The following ZNF385D variants were observed in gnomAD, a reference collection of about 807,000 sequenced individuals.
ZNF385D encodes zinc finger protein 385D, also known as zinc finger protein 659.
A neutral mutation model predicts 35.8 loss-of-function variants in ZNF385D; 15 were observed. The observed-to-expected ratio is 0.42, with a 90% CI of 0.28 to 0.64. The LOEUF (loss-of-function observed/expected upper bound fraction) is 0.64. ZNF385D is among the 30% of genes least tolerant of loss of function. The probability of loss-of-function intolerance (pLI) is 0.23; values close to 1 mark genes in which losing one functional copy is unlikely to be tolerated. For missense variants in ZNF385D, 474 were observed against 494.6 expected, an observed-to-expected ratio of 0.96 and a Z score of 0.39; for synonymous variants, 212 against 186.8, an observed-to-expected ratio of 1.13 and a Z score of -1.10.
At chr3:22,265,395 A>C (rs759876725) in intron 2 of ZNF385D, among the ~76,000 whole-genome samples, 3 of 152,006 alleles carry the variant, frequency 2.0e-5, no homozygotes, top group Admixed American at 6.6e-5. Context: ...TTTGTGAAAC[A>C]TTATTGGCAA....
chr3:21,720,381 C>T (rs2068491150), intron 1 of ZNF385D, among the ~76,000 whole-genome samples: 2 of 152,128 alleles, frequency 1.3e-5, no homozygotes, highest in Admixed American at 6.5e-5. Context: ...TCGTGAGACC[C>T]TAGTCTCTAC....
chr3:21,448,013 GTTA>G (rs1702247606), intron 4 of ZNF385D, among the ~76,000 whole-genome samples: 2 of 152,098 alleles, frequency 1.3e-5, no homozygotes, highest in African/African-American at 4.8e-5. Flanking sequence ...ATGTGCAAGA[GTTA>G]TAATACTTAG....
chr3:22,357,281 A>G (rs1696197786), intron 2 of ZNF385D, among the ~76,000 whole-genome samples: 1 of 151,916 alleles, frequency 6.6e-6, no homozygotes, highest in Non-Finnish European at 1.5e-5. Flanking sequence ...TATAGTAATA[A>G]ATGCAGTAAG....
intron 3 of ZNF385D, among the ~76,000 whole-genome samples, chr3:21,968,924 C>G (rs2125335650): frequency 6.6e-6 from 1 of 152,292 alleles, no homozygotes; most frequent in South Asian, 2.1e-4. Flanking sequence ...TTACTGGGGT[C>G]TCTGATTCCT....
chr3:21,619,385 GTCTT>G (rs763857526), intron 2 of ZNF385D, among the ~76,000 whole-genome samples: 9 of 151,566 alleles, frequency 5.9e-5, no homozygotes, highest in Non-Finnish European at 1.0e-4. Context: ...ATGTAAACCT[GTCTT>G]TCTTAGTTGT....
intron 2 of ZNF385D, among the ~76,000 whole-genome samples, chr3:22,250,397 A>G (rs1034040296): frequency 6.6e-6 from 1 of 151,866 alleles, no homozygotes; most frequent in Non-Finnish European, 1.5e-5. Context: ...CTGCTTATCA[A>G]CCTCCCTAAG....
chr3:21,762,128 C>G (rs1015668276), intron 3 of ZNF385D, among the ~76,000 whole-genome samples: 1 of 152,086 alleles, frequency 6.6e-6, no homozygotes, highest in Admixed American at 6.5e-5. Flanking sequence ...CTGCCTGCCT[C>G]AGCCTCCTAA....
chr3:21,571,857 T>C (rs1343658092), intron 2 of ZNF385D, among the ~76,000 whole-genome samples: 1 of 152,202 alleles, frequency 6.6e-6, no homozygotes, highest in Admixed American at 6.6e-5. Context: ...ACTAGGAGGA[T>C]ACTGAATCAG....
At chr3:22,192,458 A>G (rs1003448906) in intron 2 of ZNF385D, among the ~76,000 whole-genome samples, 25 of 152,146 alleles carry the variant, frequency 1.6e-4, no homozygotes, top group African/African-American at 5.8e-4. Context: ...ACACATTGCA[A>G]AAATGATGGT....
chr3:21,684,213 G>A (rs1274775501), intron 1 of ZNF385D, among the ~76,000 whole-genome samples: 1 of 148,640 alleles, frequency 6.7e-6, no homozygotes, highest in African/African-American at 2.5e-5. Context: ...AGTTTATAAA[G>A]CGCCATGTTT....
intron 3 of ZNF385D, among the ~76,000 whole-genome samples, chr3:21,756,823 A>G (rs2070360092): frequency 6.6e-6 from 1 of 152,216 alleles, no homozygotes; most frequent in South Asian, 2.1e-4. Flanking sequence ...AACAGTTTGA[A>G]AATTAAATAA....
chr3:22,158,573 A>G (rs1371477885), intron 3 of ZNF385D, among the ~76,000 whole-genome samples: 2 of 151,098 alleles, frequency 1.3e-5, no homozygotes, highest in Admixed American at 6.6e-5. Flanking sequence ...CTGGGCTGCT[A>G]TTTTTGAAAA....
intron 3 of ZNF385D, among the ~76,000 whole-genome samples, chr3:22,148,081 A>G (rs75932111): frequency 0.049 from 7,399 of 152,250 alleles, 240 homozygotes; most frequent in Non-Finnish European, 0.065. Context: ...TCCCACTTTA[A>G]CAACTTTATG....
chr3:22,249,949 T>G (rs1699982516), intron 2 of ZNF385D, among the ~76,000 whole-genome samples: 1 of 152,148 alleles, frequency 6.6e-6, no homozygotes, highest in Admixed American at 6.6e-5. Context: ...GCACCACATA[T>G]TTTCTCAGGG....
chr3:22,341,608 TA>T (rs1177611282), intron 2 of ZNF385D, among the ~76,000 whole-genome samples: 1 of 152,218 alleles, frequency 6.6e-6, no homozygotes, highest in Non-Finnish European at 1.5e-5. Flanking sequence ...GGTATTCCTT[TA>T]TTCCTCCTCC....
chr3:22,080,570 C>T (rs1700697829), intron 3 of ZNF385D, among the ~76,000 whole-genome samples: 1 of 151,790 alleles, frequency 6.6e-6, no homozygotes, highest in South Asian at 2.1e-4. Context: ...GTTGTAATAG[C>T]TACAGATTTT....
intron 3 of ZNF385D, among the ~76,000 whole-genome samples, chr3:21,821,444 A>C (rs1395434386): frequency 6.6e-6 from 1 of 152,206 alleles, no homozygotes; most frequent in African/African-American, 2.4e-5. Flanking sequence ...TGACAAATAC[A>C]TGATACTTAG....
Position 21,421,147 on chromosome 3 carries a change from C to T in ZNF385D, c.*67G>A, listed in dbSNP as rs1370266004. 1 of 1,241,306 alleles carries T rather than the reference C, an allele frequency of 8.1e-7. No homozygotes were observed. Among genetic ancestry groups the T allele is most frequent in the African/African-American group, 1.5e-5 (1 of 64,650 alleles). 76.9% of individuals were successfully genotyped at this position (1,241,306 alleles called of 1,614,324 possible). On this transcript the variant is annotated 3_prime_UTR_variant, in exon 8 of 8. Transcript: ENST00000281523. ...AACTATAAATAAACACTGCATAGTT[C>T]TCTTTTGTTTGTTTTGTTTTTTGTT...
rs2066996568 is a variant in ZNF385D at position 21,683,901 on chromosome 3, A to G, written c.23-18873T>C. 1.3e-5 allele frequency among the ~76,000 whole-genome samples: 2 copies of G among 150,162 alleles called. 1 individual carries two copies. The highest frequency in any genetic ancestry group is 3.0e-5 in the Non-Finnish European group (2 of 67,470). On this transcript the variant is annotated intron_variant, in intron 1 of 7. Transcript: ENST00000281523. ...CAGATTTTTAACACAGAGTGTCCTG[A>G]TGAGGACTCAGTCCAGCCAACATCT... is the stretch of plus-strand genomic sequence containing the variant.
Sources: allele counts gnomAD v4.1 joint callset (sites outside exome capture counted in the v4.1 genomes callset), GRCh38; gene constraint gnomAD v4.1.1; transcripts MANE v1.5; gene names NCBI Gene and HGNC (gene_info 2026-07-23, HGNC 2026-07-21).